Variants in AP1M2 observed in about 807,000 individuals in gnomAD.
AP1M2 encodes AP-1 complex subunit mu-2.
AP1M2 carries 41 observed loss-of-function variants against 54.6 expected under a neutral mutation model. The ratio of observed to expected loss-of-function variants is 0.75; its 90% CI spans 0.59 to 0.97. The LOEUF is 0.97. AP1M2 is among the 50% of genes least tolerant of loss of function. The probability of loss-of-function intolerance (pLI) is 0.00; values close to 1 mark genes in which losing one functional copy is unlikely to be tolerated. For missense variants in AP1M2, 507 were observed against 561.2 expected (o/e 0.90, Z 0.98); for synonymous variants, 219 against 215.9 (o/e 1.01, Z -0.13).
In AP1M2 at chr19:10,572,672, A is replaced by G. The variant is rs1378199927; in HGVS notation, c.*394T>C. ...CCAAACAAGCACATAGGCAGCGGCT[A>G]GATTCATCTTTTTAATGACATCCTA... is the stretch of plus-strand genomic sequence containing the variant. On this transcript the variant is annotated 3_prime_UTR_variant, in exon 12 of 12. Coordinates refer to ENST00000250244, the MANE Select transcript of AP1M2 (RefSeq NM_005498.5). 1 of 210,504 alleles carries G rather than the reference A, an allele frequency of 4.8e-6. No homozygotes were observed. The highest frequency in any genetic ancestry group is 9.9e-6 in the Non-Finnish European group (1 of 101,088). 13.0% of individuals were successfully genotyped at this position (210,504 alleles called of 1,614,324 possible). A position where few individuals can be genotyped will look rare whatever the true frequency, so the allele number is the denominator to read the frequency against.
At chr19:10,574,546 G>C in intron 10 of AP1M2, 54 bp from the exon 11 acceptor site, 2 of 1,463,342 alleles carry the variant, frequency 1.4e-6, no homozygotes, top group Admixed American at 2.1e-5. Flanking sequence ...GGAGGCCAGG[G>C]CCAGGGAGAA....
At chr19:10,575,553 C>T (rs1335345916) in intron 9 of AP1M2, among the ~76,000 whole-genome samples, 1 of 152,010 alleles carries the variant, frequency 6.6e-6, no homozygotes, top group Non-Finnish European at 1.5e-5. Context: ...GTTTCCCAAA[C>T]CCACCCAGCT....
chr19:10,585,686 CAA>C (rs550606692), intron 1 of AP1M2, among the ~76,000 whole-genome samples: 4 of 136,494 alleles, frequency 2.9e-5, no homozygotes, highest in Admixed American at 7.3e-5. Flanking sequence ...ACTCCATCTC[CAA>C]AAAAAAAAAA....
intron 1 of AP1M2, among the ~76,000 whole-genome samples, chr19:10,585,341 A>G (rs549255904): frequency 1.3e-5 from 2 of 149,996 alleles, no homozygotes; most frequent in African/African-American, 4.9e-5. Flanking sequence ...GAAAGAAAGA[A>G]AGAAAGAAAG....
chr19:10,572,940 A>G lies in AP1M2; in HGVS notation c.*126T>C, dbSNP rs1480748084. On this transcript the variant is annotated 3_prime_UTR_variant, in exon 12 of 12. Coordinates refer to ENST00000250244, the MANE Select transcript of AP1M2 (RefSeq NM_005498.5). ...TGAGGAAGGGGCGGGTGCTGGGAGC[A>G]AGAAACTGCCAAGTCCAGGACCTGC... The G allele has an allele frequency of 1.0e-6, 1 of 986,498 alleles. No homozygotes were observed. The highest frequency in any genetic ancestry group is 1.6e-5 in the African/African-American group (1 of 61,606). 61.1% of individuals were successfully genotyped at this position (986,498 alleles called of 1,614,324 possible). A position where few individuals can be genotyped will look rare whatever the true frequency, so the allele number is the denominator to read the frequency against.
At chr19:10,578,997 C>A in intron 7 of AP1M2, 34 bp from the exon 8 acceptor site, 5 of 1,337,156 alleles carry the variant, frequency 3.7e-6, no homozygotes, top group Non-Finnish European at 5.2e-6. Context: ...TTCTTGGAGA[C>A]TCCATGTTGA....
At chr19:10,577,686 C>T (rs1211005733) in intron 8 of AP1M2, among the ~76,000 whole-genome samples, 3 of 150,542 alleles carry the variant, frequency 2.0e-5, no homozygotes, top group Admixed American at 6.6e-5. Context: ...CCGCCCACCC[C>T]GGCCTCTCAA....
intron 3 of AP1M2, among the ~76,000 whole-genome samples, chr19:10,583,041 G>T (rs1371227866): frequency 6.6e-6 from 1 of 151,808 alleles, no homozygotes; most frequent in Non-Finnish European, 1.5e-5. Flanking sequence ...GGCCAGCCTG[G>T]TCTCGAACTC....
Position 10,581,293 on chromosome 19 carries a change from C to T in AP1M2, c.646G>A (p.Asp216Asn). The T allele has an allele frequency of 6.2e-7, 1 of 1,613,778 alleles. No homozygotes were observed. The highest frequency in any genetic ancestry group is 1.1e-5 in the South Asian group (1 of 91,068). The change falls in exon 6 of 12, where the codon GAC (aspartate) becomes AAC (asparagine). Residue 216 changes from aspartate (D) to asparagine (N), a missense_variant. Transcript: ENST00000250244. ...GMPELRLGLN[D>N]RVLFELTGRS... ...CCAGTGAGCTCGAAGAGCACGCGGT[C>T]ATTGAGGCCCAGCCGCAGCTCTGGC...
intron 6 of AP1M2, 104 bp downstream of exon 6, chr19:10,581,162 A>G (rs1290819974): frequency 6.9e-7 from 1 of 1,454,308 alleles, no homozygotes; most frequent in Non-Finnish European, 9.2e-7. Context: ...ATGGTGAGCG[A>G]GCGCTTATTT....
chr19:10,583,512 G>T, intron 3 of AP1M2, 94 bp downstream of exon 3: 2 of 982,880 alleles, frequency 2.0e-6, no homozygotes, highest in Non-Finnish European at 3.0e-6. Context: ...GATCTGGGAA[G>T]GCTTCCTATC....
At chr19:10,581,160 C>T (rs954358383) in intron 6 of AP1M2, 106 bp downstream of exon 6, 10 of 1,455,392 alleles carry the variant, frequency 6.9e-6, no homozygotes, top group South Asian at 1.4e-5. Context: ...AGATGGTGAG[C>T]GAGCGCTTAT....
At chr19:10,586,810 C>T (rs1006984247) in intron 1 of AP1M2, among the ~76,000 whole-genome samples, 1 of 152,148 alleles carries the variant, frequency 6.6e-6, no homozygotes, top group Non-Finnish European at 1.5e-5. Context: ...GAGTTAGAGG[C>T]CCCTGTTCCA....
Position 10,587,296 on chromosome 19 carries a change from C to T in AP1M2, c.-65G>A, listed in dbSNP as rs1220506078. The T allele has an allele frequency of 1.9e-6, 3 of 1,542,554 alleles. No homozygotes were observed. Among genetic ancestry groups the T allele is most frequent in the Admixed American group, 3.9e-5 (2 of 50,890 alleles). On this transcript the variant is annotated 5_prime_UTR_variant, in exon 1 of 12. Transcript: ENST00000250244. ...CGGGAGGCGATGGCGGCGCCGCTTC[C>T]TTCTTCCTGCGGAAGCGCCTGCGCC...
intron 8 of AP1M2, among the ~76,000 whole-genome samples, chr19:10,577,590 C>T (rs1236157610): frequency 2.6e-5 from 4 of 151,484 alleles, no homozygotes; most frequent in Non-Finnish European, 5.9e-5. Context: ...CCCGCCAGCA[C>T]GCCCAGCTAA....
At chr19:10,586,283 GAAA>G (rs34958500) in intron 1 of AP1M2, among the ~76,000 whole-genome samples, 1 of 125,912 alleles carries the variant, frequency 7.9e-6, no homozygotes, top group Admixed American at 8.3e-5. Flanking sequence ...ACTCTGTCTT[GAAA>G]AAAAAAAAAA....
rs1917555623 is a variant in AP1M2 at position 10,584,050 on chromosome 19, G to T, written c.63C>A (p.Tyr21Ter). 6.2e-7 allele frequency: 1 copy of T among 1,610,946 alleles called. No individual in the cohort carries two copies. Among genetic ancestry groups the T allele is most frequent in the Non-Finnish European group, 8.5e-7 (1 of 1,178,736 alleles). ...TCTTGCTCATGGCCACATCGCCCTT[G>T]TAGTTGCGGCTGATCAATGGCTGAG... The part of the protein sequence containing the change: ...VKGKPLISRN[Y>*]KGDVAMSKIE... Residue 21 changes from tyrosine (Y) to a stop codon, truncating the protein, a stop_gained, in exon 2 of 12, where the codon TAC becomes TAA. Coordinates refer to ENST00000250244, the MANE Select transcript of AP1M2 (RefSeq NM_005498.5). LOFTEE classifies it high-confidence loss of function.
intron 1 of AP1M2, among the ~76,000 whole-genome samples, chr19:10,585,294 A>AGAAG (rs1555753877): frequency 1.4e-4 from 16 of 115,060 alleles, no homozygotes; most frequent in East Asian, 6.5e-4. Flanking sequence ...AAAGAAAGAA[A>AGAAG]GAAAGAAAGA....
chr19:10,581,441 T>C (rs2304161), intron 5 of AP1M2, 46 bp downstream of exon 5: 372,430 of 1,610,050 alleles, frequency 0.23, 52,703 homozygotes, highest in East Asian at 0.66. Context: ...CTCCGTCTCC[T>C]GCAGCCAGGC....
Sources: allele counts gnomAD v4.1 joint callset (sites outside exome capture counted in the v4.1 genomes callset), GRCh38; gene constraint gnomAD v4.1.1; transcripts MANE v1.5; gene names NCBI Gene and HGNC (gene_info 2026-07-23, HGNC 2026-07-21).